Variants in RELN observed in about 807,000 individuals in gnomAD.
RELN encodes reelin.
In RELN, 108 loss-of-function variants were observed where a neutral mutation model predicts 427.6. The observed-to-expected ratio is 0.25, with a 90% CI of 0.22 to 0.30. RELN has a LOEUF of 0.30. RELN is among the 10% of genes least tolerant of loss of function. RELN has a pLI of 1.00. For synonymous variants in RELN, 1,524 were observed against 1,513.4 expected, an observed-to-expected ratio of 1.01 and a Z score of -0.16; for missense variants, 3,715 against 4,302.8, an observed-to-expected ratio of 0.86 and a Z score of 3.82.
intron 8 of RELN, among the ~76,000 whole-genome samples, chr7:103,708,465 T>TTTTTTTTTTC (rs1789696759): frequency 1.1e-5 from 1 of 91,130 alleles, no homozygotes; most frequent in Non-Finnish European, 2.0e-5. Context: ...GGTATGACTC[T>TTTTTTTTTTC]TTTTTTTTTT....
At chr7:103,722,311 C>T (rs12540537) in intron 8 of RELN, among the ~76,000 whole-genome samples, 32,155 of 152,072 alleles carry the variant, frequency 0.21, 3,849 homozygotes, top group South Asian at 0.37. Context: ...AGAAACAGTC[C>T]TTTTGCTAAC....
At chr7:103,684,364 A>G (rs2299362) in intron 10 of RELN, among the ~76,000 whole-genome samples, 1 of 152,140 alleles carries the variant, frequency 6.6e-6, no homozygotes, top group East Asian at 1.9e-4. Context: ...GCCTGAATGC[A>G]TTCAGATTGA....
intron 30 of RELN, 121 bp from the exon 31 acceptor site, chr7:103,572,381 A>G (rs576953488): frequency 1.5e-6 from 1 of 678,406 alleles, no homozygotes; most frequent in Admixed American, 2.2e-5. Flanking sequence ...TTCAAACTCA[A>G]AGGGCATATG....
chr7:103,944,734 C>G (rs1053922819), intron 1 of RELN, among the ~76,000 whole-genome samples: 5 of 152,022 alleles, frequency 3.3e-5, no homozygotes, highest in African/African-American at 1.2e-4. Flanking sequence ...GCAAAGTGAG[C>G]CAAAAATGGG....
intron 50 of RELN, among the ~76,000 whole-genome samples, chr7:103,511,274 TGAAAATC>T (rs1197918333): frequency 2.0e-5 from 3 of 152,158 alleles, no homozygotes; most frequent in African/African-American, 7.2e-5. Context: ...ACATTGTAAA[TGAAAATC>T]AAAAGGAAAT....
chr7:103,611,771 A>C lies in RELN; in HGVS notation c.2735T>G (p.Met912Arg). The C allele has an allele frequency of 6.2e-7, 1 of 1,613,960 alleles. No homozygotes were observed. The highest frequency in any genetic ancestry group is 8.5e-7 in the Non-Finnish European group (1 of 1,179,902). ...CATTGATTGTGTTTCCACATAGCGC[A>C]TACTTGAGGCAAGTTTAGAATCTCC... ...FTGDSKLASSMRYVETQSMQI... is the reference protein window; with the variant it reads ...FTGDSKLASSRRYVETQSMQI... Residue 912 changes from methionine (M) to arginine (R), a missense_variant, in exon 21 of 65, where the codon ATG becomes AGG. Coordinates refer to ENST00000428762, the MANE Select transcript of RELN (RefSeq NM_005045.4).
At position 103,610,749 on chromosome 7, in the gene RELN, G is replaced by C. The variant is rs138598422; in HGVS notation, c.2954C>G (p.Ala985Gly). 226 of 1,612,212 alleles carry C rather than the reference G, an allele frequency of 1.4e-4. 2 individuals are homozygous for C. The African/African-American group carries it at 1.8e-3, about 13-fold the overall frequency. ...TCTCCTCCACTGTGTAAACTCACTG[G>C]CATGGTAAATACTTGCTGATGTAAA... The part of the protein sequence containing the change: ...QEFTSASIYH[A>G]SEFTQWRRVI... Residue 985 changes from alanine to glycine, a missense_variant, in exon 22 of 65, where the codon GCC (alanine) becomes GGC (glycine). Coordinates refer to ENST00000428762, the MANE Select transcript of RELN (RefSeq NM_005045.4).
intron 1 of RELN, among the ~76,000 whole-genome samples, chr7:103,950,234 C>T (rs1220386934): frequency 6.6e-6 from 1 of 152,156 alleles, no homozygotes; most frequent in African/African-American, 2.4e-5. Flanking sequence ...GCCCTACTTC[C>T]TAATACCATC....
chr7:103,908,940 C>T (rs1283693254), intron 2 of RELN, among the ~76,000 whole-genome samples: 1 of 152,070 alleles, frequency 6.6e-6, no homozygotes. Flanking sequence ...TTTACCATAC[C>T]CAATAAAACA....
chr7:103,478,447 TG>T, intron 63 of RELN, 53 bp from the exon 64 acceptor site: 1 of 734,440 alleles, frequency 1.4e-6, no homozygotes. Flanking sequence ...AGTTAAAAAA[TG>T]CCTTTCAATG....
chr7:103,745,943 G>T, intron 6 of RELN, among the ~76,000 whole-genome samples: 1 of 152,132 alleles, frequency 6.6e-6, no homozygotes, highest in Non-Finnish European at 1.5e-5. Flanking sequence ...AACCAAAAAA[G>T]AGCTCACATT....
At chr7:103,772,797 G>C (rs529629389) in intron 4 of RELN, among the ~76,000 whole-genome samples, 1 of 152,304 alleles carries the variant, frequency 6.6e-6, no homozygotes, top group African/African-American at 2.4e-5. Context: ...AACGAGGTAG[G>C]AGAGGCAAAC....
At chr7:103,745,873 A>G (rs1355012867) in intron 6 of RELN, among the ~76,000 whole-genome samples, 2 of 152,246 alleles carry the variant, frequency 1.3e-5, no homozygotes, top group Non-Finnish European at 2.9e-5. Flanking sequence ...TGCCAACCCA[A>G]TGAAGCTACC....
rs73403942 is a variant in RELN, at chr7:103,902,466, G to A, written c.337+14609C>T. On this transcript the variant is annotated intron_variant, in intron 2 of 64. Transcript: ENST00000428762. ...AGAGGAACTTTTCTGAAAGAGAACC[G>A]GAAATAACATAATTAACTTGATAAT... 9.6e-3 allele frequency among the ~76,000 whole-genome samples: 1,460 copies of A among 152,038 alleles called. 26 individuals carry two copies. Among genetic ancestry groups the A allele is most frequent in the African/African-American group, 0.033 (1,388 of 41,494 alleles).
At chr7:103,963,052 G>C (rs987146078) in intron 1 of RELN, among the ~76,000 whole-genome samples, 5 of 151,800 alleles carry the variant, frequency 3.3e-5, no homozygotes, top group Non-Finnish European at 7.4e-5. Flanking sequence ...GTAAGCCAGT[G>C]ATGGGAACAA....
At chr7:103,902,822 C>T (rs1795112199) in intron 2 of RELN, among the ~76,000 whole-genome samples, 1 of 152,146 alleles carries the variant, frequency 6.6e-6, no homozygotes, top group Non-Finnish European at 1.5e-5. Flanking sequence ...CCTACATCTA[C>T]TTTCAAATTC....
chr7:103,864,275 C>G (rs7791035), intron 2 of RELN, among the ~76,000 whole-genome samples: 21,891 of 152,150 alleles, frequency 0.14, 1,880 homozygotes, highest in East Asian at 0.34. Context: ...AAGTTAATAA[C>G]TGTTTTTTTT....
At chr7:103,833,778 T>C (rs553592036) in intron 2 of RELN, 106 bp from the exon 3 acceptor site, 2 of 1,112,012 alleles carry the variant, frequency 1.8e-6, no homozygotes, top group South Asian at 2.7e-5. Flanking sequence ...TAAGGTTCTA[T>C]GCTATTTGGC....
chr7:103,624,215 T>C (rs1832278406), intron 20 of RELN, among the ~76,000 whole-genome samples: 1 of 152,174 alleles, frequency 6.6e-6, no homozygotes, highest in South Asian at 2.1e-4. Context: ...TATGAACATA[T>C]ACTTTTAAAA....
Sources: allele counts gnomAD v4.1 joint callset (sites outside exome capture counted in the v4.1 genomes callset), GRCh38; gene constraint gnomAD v4.1.1; transcripts MANE v1.5; gene names NCBI Gene and HGNC (gene_info 2026-07-23, HGNC 2026-07-21).